UVRAG: variants seen among roughly 807,000 people sequenced by gnomAD.
The protein encoded by UVRAG is UV radiation resistance-associated gene protein.
A neutral mutation model predicts 78.0 loss-of-function variants in UVRAG; 19 were observed. The ratio of observed to expected loss-of-function variants is 0.24; its 90% confidence interval spans 0.17 to 0.36. UVRAG has a LOEUF of 0.36. Among genes scored for constraint, UVRAG ranks in the 10% least tolerant of loss-of-function variants. The pLI, the probability that UVRAG is intolerant of heterozygous loss-of-function variation, is 1.00. For synonymous variants in UVRAG, 323 were observed against 324.6 expected (o/e 1.00, Z 0.05); for missense variants, 740 against 853.8 (o/e 0.87, Z 1.66).
chr11:76,082,633 A>G (rs1157858513), intron 13 of UVRAG, among the ~76,000 whole-genome samples: 2 of 151,890 alleles, frequency 1.3e-5, no homozygotes, highest in African/African-American at 4.8e-5. Context: ...AATAATTGCC[A>G]TTACAAAGGA....
At chr11:76,103,302 C>T (rs1951910331) in intron 13 of UVRAG, among the ~76,000 whole-genome samples, 1 of 152,084 alleles carries the variant, frequency 6.6e-6, no homozygotes, top group Admixed American at 6.6e-5. Flanking sequence ...TAAAATTCTG[C>T]CTACTACTCC....
intron 7 of UVRAG, chr11:75,979,692 T>G (rs1591088616): frequency 6.6e-6 from 1 of 152,550 alleles, no homozygotes; most frequent in African/African-American, 2.4e-5. Flanking sequence ...CGGGATATAA[T>G]CTTCTGGTAT....
intron 8 of UVRAG, among the ~76,000 whole-genome samples, chr11:75,986,532 A>G (rs528686350): frequency 6.6e-6 from 1 of 152,186 alleles, no homozygotes; most frequent in African/African-American, 2.4e-5. Flanking sequence ...ATTATAATTA[A>G]ATTTCATTAC....
chr11:75,824,752 CA>C (rs1354633617), intron 1 of UVRAG, among the ~76,000 whole-genome samples: 1 of 147,836 alleles, frequency 6.8e-6, no homozygotes, highest in African/African-American at 2.5e-5. Context: ...CGGCTCACTG[CA>C]AGCTCCGCCT....
chr11:76,004,649 A>G (rs1028475367), intron 9 of UVRAG, among the ~76,000 whole-genome samples: 3 of 150,914 alleles, frequency 2.0e-5, no homozygotes, highest in Non-Finnish European at 4.4e-5. Flanking sequence ...ATTCATAGAC[A>G]GGGTCTCACT....
intron 7 of UVRAG, among the ~76,000 whole-genome samples, chr11:75,969,832 A>G (rs1004892656): frequency 4.6e-5 from 7 of 152,180 alleles, no homozygotes; most frequent in African/African-American, 2.4e-5. Context: ...AGGCCATACC[A>G]TGATGCATCT....
intron 8 of UVRAG, among the ~76,000 whole-genome samples, chr11:75,999,562 G>A (rs944642898): frequency 6.6e-6 from 1 of 151,858 alleles, no homozygotes; most frequent in Non-Finnish European, 1.5e-5. Context: ...TGTATTTTTA[G>A]TAGAGACGGG....
At chr11:76,018,265 C>T (rs1211828121) in intron 12 of UVRAG, among the ~76,000 whole-genome samples, 4 of 150,676 alleles carry the variant, frequency 2.7e-5, no homozygotes, top group African/African-American at 7.3e-5. Context: ...GTTAGTCTTC[C>T]ACTGTAAAGT....
intron 12 of UVRAG, among the ~76,000 whole-genome samples, chr11:76,063,788 A>G (rs570539138): frequency 2.6e-4 from 39 of 152,258 alleles, no homozygotes; most frequent in African/African-American, 8.4e-4. Context: ...TAAAGCTTCT[A>G]TAGCTTGCTA....
chr11:75,871,160 C>T (rs1946638904), intron 3 of UVRAG, among the ~76,000 whole-genome samples: 1 of 152,144 alleles, frequency 6.6e-6, no homozygotes. Flanking sequence ...AAGCATGCGC[C>T]CCTGCGCCCG....
At chr11:75,843,687 A>G (rs1306710316) in intron 1 of UVRAG, among the ~76,000 whole-genome samples, 1 of 152,152 alleles carries the variant, frequency 6.6e-6, no homozygotes, top group Non-Finnish European at 1.5e-5. Context: ...TGGCCGGCTC[A>G]GTGGCTCATG....
chr11:75,932,300 T>TATTG (rs1948259099), intron 6 of UVRAG, among the ~76,000 whole-genome samples: 1 of 149,772 alleles, frequency 6.7e-6, no homozygotes, highest in South Asian at 2.1e-4. Context: ...TTTATTTATT[T>TATTG]ATTGAGATGG....
intron 6 of UVRAG, chr11:75,916,155 T>G (rs1947848838): frequency 6.6e-6 from 1 of 152,220 alleles, no homozygotes; most frequent in Non-Finnish European, 1.5e-5. Context: ...TTTGCCAGTT[T>G]AATAAGTGGA....
At chr11:76,031,589 A>C (rs1313466215) in intron 12 of UVRAG, among the ~76,000 whole-genome samples, 2 of 152,196 alleles carry the variant, frequency 1.3e-5, no homozygotes, top group African/African-American at 4.8e-5. Context: ...AAAATACAGT[A>C]ATGTAATGGG....
intron 5 of UVRAG, among the ~76,000 whole-genome samples, chr11:75,899,668 G>A (rs569328514): frequency 3.9e-5 from 6 of 152,322 alleles, no homozygotes; most frequent in Non-Finnish European, 8.8e-5. Context: ...AGCGTACCAA[G>A]TCTCTGCCTT....
chr11:76,126,132 G>A (rs911468129), intron 14 of UVRAG, among the ~76,000 whole-genome samples: 1 of 142,836 alleles, frequency 7.0e-6, no homozygotes, highest in Non-Finnish European at 1.5e-5. Context: ...TAGTAGAGAC[G>A]GGGTTTCACC....
intron 13 of UVRAG, among the ~76,000 whole-genome samples, chr11:76,114,829 T>C (rs1429743392): frequency 6.6e-6 from 1 of 152,202 alleles, no homozygotes; most frequent in Non-Finnish European, 1.5e-5. Context: ...TTCACATGAT[T>C]TGTGGTTTTA....
intron 1 of UVRAG, among the ~76,000 whole-genome samples, chr11:75,816,928 C>G (rs1262793550): frequency 1.3e-5 from 2 of 152,148 alleles, no homozygotes; most frequent in Non-Finnish European, 2.9e-5. Context: ...AATAGGCAGG[C>G]AGAAGAGCTT....
chr11:76,093,537 G>T (rs914642884), intron 13 of UVRAG, among the ~76,000 whole-genome samples: 1 of 152,102 alleles, frequency 6.6e-6, no homozygotes, highest in Non-Finnish European at 1.5e-5. Context: ...ATTTAATTGA[G>T]CAATGGTTTG....
Sources: allele counts gnomAD v4.1 joint callset (sites outside exome capture counted in the v4.1 genomes callset), GRCh38; gene constraint gnomAD v4.1.1; transcripts MANE v1.5; gene names NCBI Gene and HGNC (gene_info 2026-07-23, HGNC 2026-07-21).